KSR2: variants seen among roughly 807,000 people sequenced by gnomAD.
The protein encoded by KSR2 is kinase suppressor of ras 2.
Under a neutral mutation model 107.8 loss-of-function variants are expected in KSR2, and 25 were observed. The observed-to-expected ratio is 0.23, with a 90% CI of 0.17 to 0.32. The LOEUF is 0.32. Ranked by LOEUF, KSR2 falls within the 10% of genes least tolerant of loss-of-function variation. The pLI is 1.00. For synonymous variants in KSR2, 480 were observed against 507.0 expected (o/e 0.95, Z 0.71); for missense variants, 887 against 1,268.9 (o/e 0.70, Z 4.57).
intron 1 of KSR2, among the ~76,000 whole-genome samples, chr12:117,901,536 C>T (rs1894684166): frequency 6.6e-6 from 1 of 152,138 alleles, no homozygotes; most frequent in African/African-American, 2.4e-5. Flanking sequence ...CTCCTGACTT[C>T]AGGCAATTGG....
rs1023899396 is a variant in KSR2 at position 117,835,349 on chromosome 12, C to T, written c.472+20079G>A. On this transcript the variant is annotated intron_variant, in intron 3 of 19. Coordinates refer to ENST00000339824, the MANE Select transcript of KSR2 (RefSeq NM_173598.6). ...GAGTTGGAGGGAGGGTGGTATATCA[C>T]GGTTCCTCGCTTTCATCTGGTTCCT... is the stretch of plus-strand genomic sequence containing the variant. Among the ~76,000 whole-genome samples, 12 of 152,252 alleles carry T rather than the reference C, an allele frequency of 7.9e-5. 1 individual carries two copies. The East Asian group carries it at 1.4e-3, about 17-fold the overall frequency.
intron 19 of KSR2, 25 bp from the exon 20 acceptor site, chr12:117,467,230 A>C (rs765081319): frequency 9.5e-5 from 69 of 729,608 alleles, no homozygotes; most frequent in Non-Finnish European, 1.5e-4. Context: ...GAAGGGAGAG[A>C]GTGGTGAGAG....
chr12:117,564,307 T>C (rs943210675), intron 7 of KSR2, among the ~76,000 whole-genome samples: 5 of 152,184 alleles, frequency 3.3e-5, no homozygotes, highest in Admixed American at 1.3e-4. Flanking sequence ...AAGTTTGCAC[T>C]TTGCAATCAA....
chr12:117,672,303 G>A (rs1354736220), intron 4 of KSR2, among the ~76,000 whole-genome samples: 2 of 152,218 alleles, frequency 1.3e-5, no homozygotes, highest in African/African-American at 4.8e-5. Flanking sequence ...CACAGATGCA[G>A]TGTAATTTAG....
At chr12:117,944,960 T>A (rs1896132618) in intron 1 of KSR2, among the ~76,000 whole-genome samples, 1 of 151,692 alleles carries the variant, frequency 6.6e-6, no homozygotes, top group African/African-American at 2.4e-5. Flanking sequence ...GCAAGGAAAA[T>A]TACCAGGGAT....
At chr12:117,927,433 T>C (rs1895559900) in intron 1 of KSR2, among the ~76,000 whole-genome samples, 1 of 133,896 alleles carries the variant, frequency 7.5e-6, no homozygotes, top group African/African-American at 2.9e-5. Context: ...TGGTTATGTC[T>C]GTAATCCCAG....
At chr12:117,480,025 T>C (rs1400966377) in intron 16 of KSR2, among the ~76,000 whole-genome samples, 1 of 140,516 alleles carries the variant, frequency 7.1e-6, no homozygotes, top group African/African-American at 3.1e-5. Context: ...ATTACACATG[T>C]GTATGTGTGT....
At chr12:117,835,637 G>A (rs1892176402) in intron 3 of KSR2, among the ~76,000 whole-genome samples, 1 of 152,054 alleles carries the variant, frequency 6.6e-6, no homozygotes, top group African/African-American at 2.4e-5. Context: ...TTGCCGCAGG[G>A]GACATTTGAC....
intron 5 of KSR2, among the ~76,000 whole-genome samples, chr12:117,587,952 T>C (rs1237615160): frequency 2.0e-5 from 3 of 152,224 alleles, no homozygotes; most frequent in South Asian, 4.1e-4. Flanking sequence ...CCTGCATCAA[T>C]GCTCCATCAC....
intron 5 of KSR2, among the ~76,000 whole-genome samples, chr12:117,658,440 T>C (rs1020539601): frequency 6.6e-6 from 1 of 152,222 alleles, no homozygotes; most frequent in Non-Finnish European, 1.5e-5. Context: ...AATCTGGCCC[T>C]CCGCCTGCTA....
In KSR2 at chr12:117,822,704, T is replaced by C. The variant is rs1566032638; in HGVS notation, c.472+32724A>G. Reference sequence around the variant, plus strand: ...AGATATTCAACACTTGACTATACAATGGGGTTTGTGTTAAATGATTTGGCT... The same window carrying C: ...AGATATTCAACACTTGACTATACAACGGGGTTTGTGTTAAATGATTTGGCT... On this transcript the variant is annotated intron_variant, in intron 3 of 19. Coordinates refer to ENST00000339824, the MANE Select transcript of KSR2 (RefSeq NM_173598.6). Among the ~76,000 whole-genome samples the C allele has an allele frequency of 8.5e-5, 13 of 152,216 alleles. No individual in the cohort carries two copies. The South Asian group carries it at 2.7e-3, about 32-fold the overall frequency.
chr12:117,890,644 C>G (rs1415100519), intron 1 of KSR2: 1 of 152,178 alleles, frequency 6.6e-6, no homozygotes, highest in East Asian at 1.9e-4. Context: ...ATGGGAAGAC[C>G]TATGCATTTG....
chr12:117,520,689 G>C (rs1004722414), intron 14 of KSR2, among the ~76,000 whole-genome samples: 3 of 152,176 alleles, frequency 2.0e-5, no homozygotes, highest in Admixed American at 2.0e-4. Flanking sequence ...CTTTATTTTT[G>C]AGGCTTCCTC....
intron 1 of KSR2, among the ~76,000 whole-genome samples, chr12:117,947,255 A>C (rs55810686): frequency 0.052 from 4,427 of 84,556 alleles, 119 homozygotes; most frequent in Middle Eastern, 0.057. Context: ...GAAAGAAAGA[A>C]AGAAGATAAA....
At chr12:117,845,081 G>A (rs1892650742) in intron 3 of KSR2, among the ~76,000 whole-genome samples, 1 of 152,178 alleles carries the variant, frequency 6.6e-6, no homozygotes, top group South Asian at 2.1e-4. Context: ...GGGAGGCGGA[G>A]CGTGCATTGA....
chr12:117,511,842 G>A (rs1197987314), intron 14 of KSR2, among the ~76,000 whole-genome samples: 2 of 152,204 alleles, frequency 1.3e-5, no homozygotes, highest in African/African-American at 2.4e-5. Context: ...GAGAGGACAT[G>A]TCTCCTGGAA....
At chr12:117,601,903 AG>A (rs1158950236) in intron 5 of KSR2, among the ~76,000 whole-genome samples, 1 of 152,192 alleles carries the variant, frequency 6.6e-6, no homozygotes, top group Non-Finnish European at 1.5e-5. Context: ...ATCTAGAGCT[AG>A]GCCCAGCAAA....
intron 9 of KSR2, among the ~76,000 whole-genome samples, chr12:117,549,128 C>A (rs1349215285): frequency 6.6e-6 from 1 of 152,178 alleles, no homozygotes; most frequent in Non-Finnish European, 1.5e-5. Flanking sequence ...AGGAAGCCTT[C>A]GCACTCTATC....
chr12:117,576,411 G>A (rs894567469), intron 7 of KSR2, among the ~76,000 whole-genome samples: 3 of 152,190 alleles, frequency 2.0e-5, no homozygotes, highest in African/African-American at 4.8e-5. Flanking sequence ...AAGACCACCT[G>A]AGAGCCTAGG....
Sources: allele counts gnomAD v4.1 joint callset (sites outside exome capture counted in the v4.1 genomes callset), GRCh38; gene constraint gnomAD v4.1.1; transcripts MANE v1.5; gene names NCBI Gene and HGNC (gene_info 2026-07-23, HGNC 2026-07-21).